Variants in CEP295 observed in about 807,000 individuals in gnomAD.
CEP295 encodes the protein centrosomal protein 295.
A neutral mutation model predicts 291.6 loss-of-function variants in CEP295; 190 were observed. That is an observed-to-expected ratio of 0.65 (90% CI 0.58 to 0.73). The LOEUF (loss-of-function observed/expected upper bound fraction) is 0.73. Ranked by LOEUF, CEP295 falls within the 30% of genes least tolerant of loss-of-function variation. The pLI is 0.00. For missense variants in CEP295, 2,863 were observed against 2,949.4 expected, an observed-to-expected ratio of 0.97 and a Z score of 0.68; for synonymous variants, 993 against 1,038.8, an observed-to-expected ratio of 0.96 and a Z score of 0.85.
At chr11:93,681,860 G>GTTT (rs59389595) in intron 7 of CEP295, among the ~76,000 whole-genome samples, 1 of 121,736 alleles carries the variant, frequency 8.2e-6, no homozygotes. Flanking sequence ...TTTTGTTTTT[G>GTTT]TTTTTTTTTT....
intron 17 of CEP295, among the ~76,000 whole-genome samples, chr11:93,706,154 A>T (rs988706780): frequency 6.6e-6 from 1 of 152,012 alleles, no homozygotes; most frequent in Non-Finnish European, 1.5e-5. Context: ...GAGAGGGATA[A>T]CTCTTCCAAG....
intron 18 of CEP295, among the ~76,000 whole-genome samples, chr11:93,720,412 T>C (rs1953615589): frequency 1.4e-5 from 2 of 144,434 alleles, no homozygotes; most frequent in Admixed American, 1.5e-4. Flanking sequence ...AGGTGGAGGT[T>C]GCAGTGAGTC....
At chr11:93,679,036 T>C (rs1423720962) in intron 6 of CEP295, among the ~76,000 whole-genome samples, 4 of 152,138 alleles carry the variant, frequency 2.6e-5, no homozygotes, top group Non-Finnish European at 5.9e-5. Flanking sequence ...TTTATATTTT[T>C]AGTAAAGACA....
At chr11:93,667,532 C>G in intron 2 of CEP295, 75 bp from the exon 3 acceptor site, 1 of 1,055,314 alleles carries the variant, frequency 9.5e-7, no homozygotes, top group South Asian at 1.8e-5. Flanking sequence ...ATTTGAGTTC[C>G]TCTTTCCAAA....
rs1951892153 is a variant in CEP295 at position 93,697,312 on chromosome 11, T to A, written c.2400T>A (p.Val800=). Residue 800 remains valine, a synonymous_variant, in exon 15 of 30, where the codon GTT becomes GTA. Transcript: ENST00000325212. ...AGCATTCTTTTAGTTCTCTGCCTGT[T>A]AAAGTTGAGTCAGGAAAAATTCAAG... is the stretch of plus-strand genomic sequence containing the variant. ...VPQHSFSSLP[V]KVESGKIQEP... 9 of 1,551,640 alleles carry A rather than the reference T, an allele frequency of 5.8e-6. No individual in the cohort carries two copies. The highest frequency in any genetic ancestry group is 7.8e-6 in the Non-Finnish European group (9 of 1,147,006).
chr11:93,687,498 G>A (rs1388337940), intron 9 of CEP295, 146 bp from the exon 10 acceptor site: 1 of 558,520 alleles, frequency 1.8e-6, no homozygotes, highest in East Asian at 2.9e-5. Flanking sequence ...TAGCATTGTT[G>A]TATATACTGT....
intron 12 of CEP295, among the ~76,000 whole-genome samples, chr11:93,692,483 C>T (rs761394763): frequency 6.6e-6 from 1 of 152,054 alleles, no homozygotes; most frequent in Non-Finnish European, 1.5e-5. Flanking sequence ...ATATACAGCG[C>T]CCTTTTTTTG....
chr11:93,708,746 C>T (rs6483263), intron 18 of CEP295, among the ~76,000 whole-genome samples: 146,361 of 152,288 alleles, frequency 0.96, 70,606 homozygotes, highest in East Asian at 1. Flanking sequence ...TTCATAGTGG[C>T]TGTACTGATT....
rs1469040736 is a variant in CEP295, at chr11:93,700,080, A to G, written c.5168A>G (p.Tyr1723Cys). Reference sequence around the variant, plus strand: ...GATCTACAAAGAGAAGTTCTGCATTATAGCCAGAAAGCCCAGGAAAAATTG... The same window carrying G: ...GATCTACAAAGAGAAGTTCTGCATTGTAGCCAGAAAGCCCAGGAAAAATTG... The part of the protein sequence containing the change: ...QLDLQREVLH[Y>C]SQKAQEKLLV... Residue 1723 changes from tyrosine (Y) to cysteine (C), a missense_variant, in exon 15 of 30, where the codon TAT becomes TGT. Coordinates refer to ENST00000325212, the MANE Select transcript of CEP295 (RefSeq NM_033395.2). The G allele has an allele frequency of 5.2e-6, 8 of 1,551,724 alleles. No homozygotes were observed. Among genetic ancestry groups the G allele is most frequent in the South Asian group, 3.6e-5 (3 of 84,066 alleles).
At chr11:93,677,041 A>G (rs1950728941) in intron 6 of CEP295, among the ~76,000 whole-genome samples, 1 of 152,090 alleles carries the variant, frequency 6.6e-6, no homozygotes, top group African/African-American at 2.4e-5. Flanking sequence ...TACTGAACAC[A>G]TTTTTATTCG....
At chr11:93,710,921 C>T (rs1299971169) in intron 18 of CEP295, among the ~76,000 whole-genome samples, 5 of 152,088 alleles carry the variant, frequency 3.3e-5, no homozygotes, top group African/African-American at 7.2e-5. Context: ...TAGTCTCTAA[C>T]GATCCTTTAA....
intron 3 of CEP295, 44 bp downstream of exon 3, chr11:93,667,851 TAGTAA>T (rs1950259748): frequency 1.6e-6 from 2 of 1,281,084 alleles, no homozygotes; most frequent in African/African-American, 3.0e-5. Flanking sequence ...GCAGTAATAT[TAGTAA>T]AAAGTAAATT....
Position 93,699,032 on chromosome 11 carries a change from G to A in CEP295, c.4120G>A (p.Glu1374Lys). ...AIILARQEAR[E>K]ELLLHQSEWE... The stretch of plus-strand genomic sequence containing the variant: ...CATTCTAGCTAGACAAGAAGCTCGG[G>A]AAGAATTACTTTTACATCAGAGTGA... The change falls in exon 15 of 30, where the codon GAA (glutamate) becomes AAA (lysine). Residue 1374 changes from glutamate (E) to lysine (K), a missense_variant. Around this residue, in one of 3 missense-constraint regions of CEP295, gnomAD observed 2,295 missense variants for 2,335.7 expected, o/e 0.98. Coordinates refer to ENST00000325212, the MANE Select transcript of CEP295 (RefSeq NM_033395.2). The A allele has an allele frequency of 6.5e-7, 1 of 1,546,612 alleles. No homozygotes were observed. The highest frequency in any genetic ancestry group is 8.7e-7 in the Non-Finnish European group (1 of 1,147,054).
chr11:93,706,984 A>G, intron 18 of CEP295, 87 bp downstream of exon 18: 1 of 1,181,380 alleles, frequency 8.5e-7, no homozygotes, highest in African/African-American at 1.5e-5. Context: ...AATGGTGAAA[A>G]ATGGTAAATA....
chr11:93,698,290 T>G lies in CEP295; in HGVS notation c.3378T>G (p.Leu1126=), dbSNP rs745996870. ...AKAEPRRIQE[L]YLSEKENVGP... Reference sequence around the variant, plus strand: ...CTGAGCCTAGGAGAATTCAGGAGCTTTATTTATCTGAGAAGGAGAATGTAG... The same window carrying G: ...CTGAGCCTAGGAGAATTCAGGAGCTGTATTTATCTGAGAAGGAGAATGTAG... The change falls in exon 15 of 30, where the codon CTT becomes CTG. Residue 1126 remains leucine (L), a synonymous_variant. Transcript: ENST00000325212. 876 of 1,551,698 alleles carry G rather than the reference T, an allele frequency of 5.6e-4. No homozygotes were observed. Among genetic ancestry groups the G allele is most frequent in the Non-Finnish European group, 7.3e-4 (839 of 1,146,996 alleles).
chr11:93,688,725 A>G (rs1372312220), intron 10 of CEP295, among the ~76,000 whole-genome samples: 1 of 152,130 alleles, frequency 6.6e-6, no homozygotes, highest in Non-Finnish European at 1.5e-5. Context: ...GTTGATCTCA[A>G]ATGTCACACT....
chr11:93,722,976 G>A, intron 20 of CEP295, 65 bp from the exon 21 acceptor site: 1 of 1,368,968 alleles, frequency 7.3e-7, no homozygotes, highest in Non-Finnish European at 9.9e-7. Flanking sequence ...CCAAAGTGCT[G>A]GTATTACAGG....
chr11:93,681,360 C>G (rs1950949770), intron 7 of CEP295, among the ~76,000 whole-genome samples: 1 of 143,070 alleles, frequency 7.0e-6, no homozygotes, highest in East Asian at 2.1e-4. Context: ...CCTCAGCCTC[C>G]TAAGTAGCTG....
At chr11:93,673,952 C>T (rs146172542) in intron 5 of CEP295, among the ~76,000 whole-genome samples, 7 of 137,866 alleles carry the variant, frequency 5.1e-5, no homozygotes, top group Admixed American at 7.3e-5. Flanking sequence ...ATCCCCCCTT[C>T]TTTTTTTTTT....
Sources: gnomAD v4.1 joint callset for allele counts (sites outside exome capture counted in the v4.1 genomes callset) on GRCh38, gnomAD v4.1.1 for gene constraint, gnomAD v4.1.1 regional missense constraint, MANE v1.5 for transcripts, NCBI Gene and HGNC (gene_info 2026-07-23, HGNC 2026-07-21) for gene names.